Variants in ASTN2 observed in about 807,000 individuals in gnomAD.
ASTN2 encodes astrotactin 2.
A neutral mutation model predicts 139.8 loss-of-function variants in ASTN2; 54 were observed. That is an observed-to-expected ratio of 0.39 (90% CI 0.31 to 0.48). The LOEUF (loss-of-function observed/expected upper bound fraction) is 0.48, where lower values mean the gene tolerates loss of function less well. Among genes scored for constraint, ASTN2 ranks in the 20% least tolerant of loss-of-function variants. The pLI is 0.95. For missense variants in ASTN2, 1,565 were observed against 1,725.1 expected (o/e 0.91, Z 1.64); for synonymous variants, 756 against 719.5 (o/e 1.05, Z -0.81).
intron 19 of ASTN2, among the ~76,000 whole-genome samples, chr9:116,543,142 G>T (rs7042951): frequency 0.18 from 27,378 of 151,342 alleles, 2,818 homozygotes; most frequent in African/African-American, 0.28. Flanking sequence ...AGAAAAAATT[G>T]AAAGAAAATG....
intron 13 of ASTN2, among the ~76,000 whole-genome samples, chr9:116,771,438 A>G (rs1829951060): frequency 2.0e-5 from 3 of 152,170 alleles, no homozygotes; most frequent in Non-Finnish European, 4.4e-5. Context: ...TATTCTTATA[A>G]CATGTATCAA....
intron 2 of ASTN2, among the ~76,000 whole-genome samples, chr9:117,252,739 A>G (rs1298275365): frequency 1.3e-5 from 2 of 152,210 alleles, no homozygotes; most frequent in African/African-American, 4.8e-5. Flanking sequence ...AATTTGCAGA[A>G]TGATGCAGCC....
chr9:116,965,341 G>C (rs12350932), intron 10 of ASTN2, among the ~76,000 whole-genome samples: 25,039 of 152,154 alleles, frequency 0.16, 2,760 homozygotes, highest in African/African-American at 0.31. Context: ...TTCCATGGCT[G>C]TATCTGTACA....
chr9:116,917,282 A>T (rs751031439), intron 10 of ASTN2, among the ~76,000 whole-genome samples: 2 of 152,100 alleles, frequency 1.3e-5, no homozygotes, highest in Non-Finnish European at 2.9e-5. Flanking sequence ...CCTGGCACAT[A>T]GCTCAGTTTG....
intron 1 of ASTN2, among the ~76,000 whole-genome samples, chr9:117,370,235 C>T (rs968289683): frequency 1.1e-4 from 17 of 152,100 alleles, no homozygotes; most frequent in South Asian, 4.2e-4. Context: ...CAACACTCAA[C>T]GAAAAATATA....
chr9:116,548,533 C>T (rs946301003), intron 19 of ASTN2, among the ~76,000 whole-genome samples: 2 of 152,108 alleles, frequency 1.3e-5, no homozygotes, highest in Non-Finnish European at 2.9e-5. Flanking sequence ...AGTGCCATGG[C>T]GTGATCTCAG....
At chr9:117,211,396 A>G (rs1324751881) in intron 3 of ASTN2, among the ~76,000 whole-genome samples, 3 of 152,178 alleles carry the variant, frequency 2.0e-5, no homozygotes, top group Non-Finnish European at 2.9e-5. Flanking sequence ...TCATGGGGGT[A>G]GATTTCCCTT....
At chr9:116,432,054 T>C (rs946831334) in intron 22 of ASTN2, among the ~76,000 whole-genome samples, 1 of 152,160 alleles carries the variant, frequency 6.6e-6, no homozygotes, top group Non-Finnish European at 1.5e-5. Flanking sequence ...CAGGCGTTTG[T>C]CATTGTTTAT....
At chr9:116,655,623 C>G (rs893444226) in intron 16 of ASTN2, among the ~76,000 whole-genome samples, 2 of 152,208 alleles carry the variant, frequency 1.3e-5, no homozygotes, top group South Asian at 2.1e-4. Context: ...ACTCATCCCT[C>G]AGGTCTTAGT....
At chr9:117,181,218 A>C in intron 3 of ASTN2, 1 of 603,200 alleles carries the variant, frequency 1.7e-6, no homozygotes, top group South Asian at 2.0e-5. Flanking sequence ...GGAGTATTTC[A>C]ATTATTCTTC....
intron 10 of ASTN2, among the ~76,000 whole-genome samples, chr9:116,958,568 G>A (rs1256336436): frequency 2.6e-5 from 4 of 151,982 alleles, no homozygotes; most frequent in Non-Finnish European, 4.4e-5. Context: ...CAGCCTGGGC[G>A]ACAAAGCTGG....
chr9:116,855,147 G>A (rs180838552), intron 11 of ASTN2, among the ~76,000 whole-genome samples: 12 of 152,122 alleles, frequency 7.9e-5, no homozygotes, highest in Non-Finnish European at 1.5e-4. Flanking sequence ...AATAGAGAAG[G>A]CTTCAAATGT....
chr9:116,761,268 T>C (rs893485215), intron 13 of ASTN2, among the ~76,000 whole-genome samples: 1 of 152,200 alleles, frequency 6.6e-6, no homozygotes, highest in Non-Finnish European at 1.5e-5. Flanking sequence ...AAATGAGACA[T>C]CCCTTGTCCT....
intron 13 of ASTN2, among the ~76,000 whole-genome samples, chr9:116,748,160 G>C (rs780760376): frequency 8.5e-5 from 13 of 152,168 alleles, no homozygotes; most frequent in Non-Finnish European, 1.2e-4. Flanking sequence ...TTCTGACAAA[G>C]TATTATCATT....
chr9:117,281,304 G>A (rs1354260182), intron 2 of ASTN2, among the ~76,000 whole-genome samples: 1 of 152,096 alleles, frequency 6.6e-6, no homozygotes, highest in Non-Finnish European at 1.5e-5. Flanking sequence ...GTTCAGTAAT[G>A]TGCCAAAGGA....
intron 11 of ASTN2, among the ~76,000 whole-genome samples, chr9:116,852,244 G>C (rs1380867773): frequency 6.6e-6 from 1 of 152,158 alleles, no homozygotes; most frequent in Admixed American, 6.5e-5. Context: ...GCTCATGCCT[G>C]GCTACTTTCA....
intron 5 of ASTN2, 105 bp downstream of exon 5, chr9:117,095,939 G>GACCAGTTTTA: frequency 9.7e-7 from 1 of 1,034,964 alleles, no homozygotes; most frequent in Non-Finnish European, 1.5e-6. Flanking sequence ...ACCAGATGGG[G>GACCAGTTTTA]ACCAGGTTAG....
At chr9:117,285,629 A>G (rs893745042) in intron 2 of ASTN2, among the ~76,000 whole-genome samples, 3 of 152,220 alleles carry the variant, frequency 2.0e-5, no homozygotes, top group Admixed American at 2.0e-4. Context: ...GGCAACTACA[A>G]TAGTCATCTA....
chr9:116,450,594 T>C (rs1478669577), intron 20 of ASTN2, among the ~76,000 whole-genome samples: 2 of 152,114 alleles, frequency 1.3e-5, no homozygotes, highest in African/African-American at 2.4e-5. Flanking sequence ...CATGAGGGTA[T>C]TGGGCAAGTT....
Sources: allele counts gnomAD v4.1 joint callset (sites outside exome capture counted in the v4.1 genomes callset), GRCh38; gene constraint gnomAD v4.1.1; transcripts MANE v1.5; gene names NCBI Gene and HGNC (gene_info 2026-07-23, HGNC 2026-07-21).